GBA1: variants seen among roughly 807,000 people sequenced by gnomAD.
GBA1 encodes lysosomal acid glucosylceramidase.
At chr1:155,237,542 G>A in the GBA1 span, 2 of 1,613,958 alleles carry the variant, frequency 1.2e-6, no homozygotes, top group Non-Finnish European at 1.7e-6. Context: ...TCACTGCCCA[G>A]AACTGTAACT....
chr1:155,235,329 T>C, the GBA1 span: 10 of 1,608,138 alleles, frequency 6.2e-6, no homozygotes, highest in Admixed American at 1.7e-5. Flanking sequence ...TGGGAACAGA[T>C]GGTCAGAGTC....
At chr1:155,236,526 G>A in the GBA1 span, 1 of 1,374,402 alleles carries the variant, frequency 7.3e-7, no homozygotes, top group South Asian at 1.2e-5. Context: ...GGAACTTCTA[G>A]TTCCTGTTGT....
the GBA1 span, chr1:155,236,475 A>G: frequency 1.9e-6 from 3 of 1,608,478 alleles, no homozygotes; most frequent in Admixed American, 5.0e-5. Flanking sequence ...AGTACCTGCA[A>G]AGGAAGAGCA....
the GBA1 span, among the ~76,000 whole-genome samples, chr1:155,237,185 A>G: frequency 6.6e-6 from 1 of 152,092 alleles, no homozygotes; most frequent in Non-Finnish European, 1.5e-5. Flanking sequence ...AAAGGTTTCA[A>G]GCGACAACTG....
the GBA1 span, chr1:155,237,206 G>A: frequency 1.3e-6 from 2 of 1,510,428 alleles, no homozygotes; most frequent in East Asian, 4.8e-5. Flanking sequence ...TGGGATCCAT[G>A]GCACCCTGGA....
chr1:155,239,539 C>A, the GBA1 span: 1 of 1,531,668 alleles, frequency 6.5e-7, no homozygotes, highest in Non-Finnish European at 8.9e-7. Context: ...GATTCTGCCT[C>A]AAAAAAATTT....
the GBA1 span, chr1:155,238,192 A>AC: frequency 6.2e-7 from 1 of 1,613,618 alleles, no homozygotes; most frequent in Non-Finnish European, 8.5e-7. Context: ...CCCTTGAGTG[A>AC]CCCCTTCCCA....
the GBA1 span, among the ~76,000 whole-genome samples, chr1:155,243,469 T>TTTTG: frequency 6.6e-6 from 1 of 152,242 alleles, no homozygotes; most frequent in East Asian, 1.9e-4. Flanking sequence ...CTGAGCAATT[T>TTTTG]TTTGTTTGTT....
chr1:155,243,086 T>C, the GBA1 span, among the ~76,000 whole-genome samples: 7 of 152,262 alleles, frequency 4.6e-5, no homozygotes, highest in Non-Finnish European at 1.0e-4. Flanking sequence ...GTACACTGCT[T>C]GACACTAAAC....
At chr1:155,244,410 T>TAATAAC in the GBA1 span, 1 of 151,734 alleles carries the variant, frequency 6.6e-6, no homozygotes, top group Non-Finnish European at 1.5e-5. Context: ...AAAATAATAA[T>TAATAAC]AATAACAATA....
At chr1:155,235,988 G>C in the GBA1 span, 6 of 969,436 alleles carry the variant, frequency 6.2e-6, no homozygotes, top group Admixed American at 4.0e-5. Context: ...AGGAGTTGGG[G>C]GTGTGAAGAT....
At chr1:155,243,146 T>C in the GBA1 span, among the ~76,000 whole-genome samples, 2 of 152,318 alleles carry the variant, frequency 1.3e-5, no homozygotes, top group South Asian at 4.1e-4. Flanking sequence ...AGGAATGTCT[T>C]ATGCATTCTA....
the GBA1 span, chr1:155,237,825 T>C: frequency 1.2e-6 from 1 of 802,446 alleles, no homozygotes; most frequent in Non-Finnish European, 1.9e-6. Flanking sequence ...TTGCTTGAAC[T>C]CAGGAGGCAG....
chr1:155,237,369 C>A, the GBA1 span: 3 of 1,613,972 alleles, frequency 1.9e-6, no homozygotes, highest in Non-Finnish European at 2.5e-6. Flanking sequence ...CAGCAGCAAG[C>A]GTTGGTCATC....
the GBA1 span, among the ~76,000 whole-genome samples, chr1:155,237,024 C>G: frequency 1.5e-5 from 2 of 133,040 alleles, no homozygotes; most frequent in African/African-American, 6.3e-5. Flanking sequence ...ACCATCATGC[C>G]CAGATAATTT....
chr1:155,239,936 C>T, the GBA1 span: 83 of 1,613,968 alleles, frequency 5.1e-5, no homozygotes, highest in Admixed American at 9.3e-4. Context: ...CTCCATCCGT[C>T]GCCCACTGCG....
the GBA1 span, chr1:155,239,897 T>C: frequency 6.2e-7 from 1 of 1,614,050 alleles, no homozygotes; most frequent in Non-Finnish European, 8.5e-7. Context: ...TGTGCCCGTG[T>C]GATTAGCCTG....
the GBA1 span, chr1:155,237,883 C>CAG: frequency 1.3e-5 from 8 of 626,698 alleles, no homozygotes; most frequent in Admixed American, 6.0e-5. Flanking sequence ...GCCTGGGTGA[C>CAG]AGAGAGAGAG....
At chr1:155,239,945 C>A in the GBA1 span, 7 of 1,613,942 alleles carry the variant, frequency 4.3e-6, no homozygotes, top group African/African-American at 1.3e-5. Context: ...TCGCCCACTG[C>A]GTGTACTCTC....
Sources: gnomAD v4.1 joint callset for allele counts (sites outside exome capture counted in the v4.1 genomes callset) on GRCh38, gnomAD v4.1.1 for gene constraint, MANE v1.5 for transcripts, NCBI Gene and HGNC (gene_info 2026-07-23, HGNC 2026-07-21) for gene names.